NLRP14: variants seen among roughly 807,000 people sequenced by gnomAD.
NLRP14 encodes NLR family pyrin domain containing 14.
NLRP14 carries 105 observed loss-of-function variants against 94.7 expected under a neutral mutation model. The ratio of observed to expected loss-of-function variants is 1.11; its 90% CI spans 0.95 to 1.30. NLRP14 has a LOEUF of 1.30. Among genes scored for constraint, NLRP14 ranks in the 50% most tolerant of loss-of-function variants. The pLI is 0.00. For synonymous variants in NLRP14, 508 were observed against 459.9 expected (o/e 1.10, Z -1.34); for missense variants, 1,362 against 1,254.1 (o/e 1.09, Z -1.30).
chr11:7,059,640 T>G lies in NLRP14; in HGVS notation c.2634-254T>G, dbSNP rs10839709. Among the ~76,000 whole-genome samples, 82,869 of 151,786 alleles carry G rather than the reference T, an allele frequency of 0.55. 23,764 individuals are homozygous for G. The highest frequency in any genetic ancestry group is 0.74 in the East Asian group (3,813 of 5,176). On this transcript the variant is annotated intron_variant, in intron 8 of 11. Coordinates refer to ENST00000299481, the MANE Select transcript of NLRP14 (RefSeq NM_176822.4). ...GAGCTACTTCTACAACAGAGTACTA[T>G]GTATATGTGTAATGTAATGAGGTTA...
At chr11:7,073,454 G>T (rs1270097161), downstream of NLRP14, among the ~76,000 whole-genome samples, 9 of 152,180 alleles carry the variant, frequency 5.9e-5, no homozygotes, top group African/African-American at 4.8e-5. Context: ...TCCAACACCA[G>T]CTGGGTGTCC....
At chr11:7,089,821 C>A in the NLRP14 span, 1 of 1,608,486 alleles carries the variant, frequency 6.2e-7, no homozygotes, top group Admixed American at 1.7e-5. Flanking sequence ...TTTGCCCCCT[C>A]GCCCGGAGAG....
rs764451376 is a variant in NLRP14 at position 7,071,160 on chromosome 11, C to T, written c.3147-13C>T. 10 of 1,613,780 alleles carry T rather than the reference C, an allele frequency of 6.2e-6. No homozygotes were observed. In the Admixed American group the frequency reaches 1.0e-4, roughly 16 times the overall value. On this transcript the variant is annotated splice_polypyrimidine_tract_variant and intron_variant, in intron 11 of 11. Coordinates refer to ENST00000299481, the MANE Select transcript of NLRP14 (RefSeq NM_176822.4). ...TTGAATGCAGGAAAAGAGATGTTCC[C>T]TTGTTTTCTCAGGTTGTGCAAAGAG... is the stretch of plus-strand genomic sequence containing the variant.
rs1362823587 is a variant in NLRP14, at chr11:7,058,288, G to T, written c.2471G>T (p.Ser824Ile). 4 of 1,612,328 alleles carry T rather than the reference G, an allele frequency of 2.5e-6. No individual in the cohort carries two copies. In the Admixed American group the frequency reaches 5.0e-5, roughly 20 times the overall value. ...ATCTCTTTCTCTTTCAGCTTAGAAA[G>T]CTGTGGTCTCACAGAGGCTGGCTGT... Reference protein sequence around the residue: ...KCYLERLSLESCGLTEAGCEY... With the variant: ...KCYLERLSLEICGLTEAGCEY... Residue 824 changes from serine to isoleucine, a missense_variant, in exon 8 of 12, where the codon AGC (serine) becomes ATC (isoleucine). Ser to Ile is a moderately radical substitution (Grantham distance 142). Coordinates refer to ENST00000299481, the MANE Select transcript of NLRP14 (RefSeq NM_176822.4).
chr11:7,070,237 T>G, intron 10 of NLRP14, 49 bp from the exon 11 acceptor site: 1 of 1,356,758 alleles, frequency 7.4e-7, no homozygotes, highest in Admixed American at 1.7e-5. Flanking sequence ...TGGGCTTTGT[T>G]GTGTCATCGA....
chr11:7,038,544 G>C, intron 1 of NLRP14, 22 bp from the exon 2 acceptor site: 1 of 1,586,352 alleles, frequency 6.3e-7, no homozygotes, highest in South Asian at 1.1e-5. Flanking sequence ...TGTGCTTTTG[G>C]TTATTTTTTT....
intron 1 of NLRP14, among the ~76,000 whole-genome samples, chr11:7,030,203 A>G (rs927558068): frequency 6.6e-5 from 10 of 152,210 alleles, no homozygotes; most frequent in African/African-American, 1.7e-4. Context: ...TACTGGATCT[A>G]TTAGCTTCTA....
At position 7,057,737 on chromosome 11, in the gene NLRP14, A is replaced by G; in HGVS notation, c.2352A>G (p.Arg784=). ...TAAATATATCTAATGCTCTCATCAG[A>G]AGCCAGAGCCTGATATTTCTGAATC... ...CCLNISNALI[R]SQSLIFLNLS... is the part of the protein sequence containing the mutation. The change falls in exon 7 of 12, where the codon AGA becomes AGG. Residue 784 remains arginine (R), a synonymous_variant. Transcript: ENST00000299481. 1 of 1,612,562 alleles carries G rather than the reference A, an allele frequency of 6.2e-7. No homozygotes were observed. The highest frequency in any genetic ancestry group is 2.2e-5 in the East Asian group (1 of 44,846).
chr11:7,062,862 C>T (rs1852646548), intron 10 of NLRP14, among the ~76,000 whole-genome samples: 1 of 152,038 alleles, frequency 6.6e-6, no homozygotes, highest in Non-Finnish European at 1.5e-5. Context: ...CTGTAAAATA[C>T]TATGTTCTTA....
chr11:7,062,386 T>C lies in NLRP14; in HGVS notation c.2858T>C (p.Ile953Thr), dbSNP rs199744882. 1.9e-6 allele frequency: 3 copies of C among 1,613,264 alleles called. No individual in the cohort carries two copies. In the East Asian group the frequency reaches 6.7e-5, roughly 36 times the overall value. Residue 953 changes from isoleucine (I) to threonine (T), a missense_variant, in exon 10 of 12, where the codon ATT becomes ACT. Coordinates refer to ENST00000299481, the MANE Select transcript of NLRP14 (RefSeq NM_176822.4). The stretch of plus-strand genomic sequence containing the variant: ...TGTTGTCTGGATCTGGCTTCTGTTA[T>C]TTTGAATAACCCAAACCTGAGGAGC... ...NACCLDLASV[I>T]LNNPNLRSLD...
Position 7,043,885 on chromosome 11 carries a change from T to C in NLRP14, c.1859T>C (p.Phe620Ser). 1 of 1,614,192 alleles carries C rather than the reference T, an allele frequency of 6.2e-7. No individual in the cohort carries two copies. The highest frequency in any genetic ancestry group is 8.5e-7 in the Non-Finnish European group (1 of 1,179,994). The change falls in exon 4 of 12, where the codon TTC becomes TCC. Residue 620 changes from phenylalanine to serine, a missense_variant. Transcript: ENST00000299481. ...CEKIHLLVSS[F>S]CLKHCRCLRT... ...AAAATACATTTGCTTGTATCTTCTT[T>C]CTGCCTTAAGCACTGCCGGTGTTTG...
At chr11:7,034,101 G>A (rs1418005097) in intron 1 of NLRP14, among the ~76,000 whole-genome samples, 3 of 152,134 alleles carry the variant, frequency 2.0e-5, no homozygotes, top group South Asian at 2.1e-4. Context: ...CTGGGAGGTG[G>A]GGTGCAGTTG....
At chr11:7,064,862 T>G (rs1589873201) in intron 10 of NLRP14, among the ~76,000 whole-genome samples, 2 of 151,982 alleles carry the variant, frequency 1.3e-5, no homozygotes, top group East Asian at 1.9e-4. Context: ...TTTTATCCCC[T>G]CTGCTTGGTA....
At chr11:7,086,391 C>A in the NLRP14 span, among the ~76,000 whole-genome samples, 15 of 152,218 alleles carry the variant, frequency 9.9e-5, no homozygotes, top group Non-Finnish European at 1.5e-4. Context: ...GCTTTTGCCA[C>A]AAGCCCTAAT....
At chr11:7,052,371 G>A (rs778957053) in intron 6 of NLRP14, among the ~76,000 whole-genome samples, 2 of 152,176 alleles carry the variant, frequency 1.3e-5, no homozygotes, top group Non-Finnish European at 2.9e-5. Flanking sequence ...GGTGGCTCAC[G>A]CCTGTAATCC....
intron 1 of NLRP14, among the ~76,000 whole-genome samples, chr11:7,037,480 A>G (rs1347658746): frequency 6.6e-6 from 1 of 152,174 alleles, no homozygotes; most frequent in African/African-American, 2.4e-5. Flanking sequence ...CAGGAATTTT[A>G]GTGAAAGATC....
At chr11:7,039,574 G>T in intron 2 of NLRP14, 140 bp from the exon 3 acceptor site, 1 of 762,820 alleles carries the variant, frequency 1.3e-6, no homozygotes. Flanking sequence ...GGAGTCTGAG[G>T]CTCTGGCAGC....
chr11:7,062,362 G>A lies in NLRP14; in HGVS notation c.2834G>A (p.Cys945Tyr), dbSNP rs139902169. The change falls in exon 10 of 12, where the codon TGT becomes TAT. Residue 945 changes from cysteine to tyrosine, a missense_variant. By Grantham distance (194) the Cys-to-Tyr change is radical. Coordinates refer to ENST00000299481, the MANE Select transcript of NLRP14 (RefSeq NM_176822.4). Reference protein sequence around the residue: ...ELMGCVLTNACCLDLASVILN... With the variant: ...ELMGCVLTNAYCLDLASVILN... The stretch of plus-strand genomic sequence containing the variant: ...ATGGGCTGTGTTCTCACTAATGCAT[G>A]TTGTCTGGATCTGGCTTCTGTTATT... The A allele has an allele frequency of 6.2e-7, 1 of 1,612,936 alleles. No homozygotes were observed. The highest frequency in any genetic ancestry group is 1.3e-5 in the African/African-American group (1 of 74,832).
rs1174253984 is a variant in NLRP14 at position 7,059,899 on chromosome 11, G to C, written c.2639G>C (p.Arg880Thr). The C allele has an allele frequency of 6.2e-7, 1 of 1,611,820 alleles. No individual in the cohort carries two copies. Among genetic ancestry groups the C allele is most frequent in the Admixed American group, 1.7e-5 (1 of 59,798 alleles). Residue 880 changes from arginine (R) to threonine (T), a missense_variant, in exon 9 of 12, where the codon AGG becomes ACG. Coordinates refer to ENST00000299481, the MANE Select transcript of NLRP14 (RefSeq NM_176822.4). ...AQCTLKSLVLRRCHFTSLSSE... is the reference protein window; with the variant it reads ...AQCTLKSLVLTRCHFTSLSSE... ...TCACATTGTCCTTCCTGTAGGCTGA[G>C]GCGTTGCCATTTCACTTCACTTAGC...
Sources: gnomAD v4.1 joint callset for allele counts (sites outside exome capture counted in the v4.1 genomes callset) on GRCh38, gnomAD v4.1.1 for gene constraint, MANE v1.5 for transcripts, NCBI Gene and HGNC (gene_info 2026-07-23, HGNC 2026-07-21) for gene names.